B3GLCT: variants seen among roughly 807,000 people sequenced by gnomAD.
The protein encoded by B3GLCT is beta 3-glucosyltransferase.
Under a neutral mutation model 63.4 loss-of-function variants are expected in B3GLCT, and 65 were observed. The observed-to-expected ratio is 1.03, with a 90% CI of 0.84 to 1.26. The LOEUF (loss-of-function observed/expected upper bound fraction) is 1.26. Among genes scored for constraint, B3GLCT ranks in the 50% most tolerant of loss-of-function variants. B3GLCT has a pLI of 0.00. For missense variants in B3GLCT, 577 were observed against 604.8 expected, an observed-to-expected ratio of 0.95 and a Z score of 0.48; for synonymous variants, 233 against 219.2, an observed-to-expected ratio of 1.06 and a Z score of -0.55.
rs776480424 is a variant in B3GLCT at position 31,329,716 on chromosome 13, C to T, written c.*48C>T. The T allele has an allele frequency of 6.3e-7, 1 of 1,599,244 alleles. No individual in the cohort carries two copies. Among genetic ancestry groups the T allele is most frequent in the Non-Finnish European group, 8.6e-7 (1 of 1,168,196 alleles). ...GCCTGCGCAGGGAATGAACTGGAGA[C>T]TGTGGCCTCATCCCACTGTGCTGTG... On this transcript the variant is annotated 3_prime_UTR_variant, in exon 15 of 15. Transcript: ENST00000343307.
intron 10 of B3GLCT, among the ~76,000 whole-genome samples, chr13:31,284,209 T>C (rs950585977): frequency 7.2e-5 from 11 of 152,218 alleles, no homozygotes; most frequent in African/African-American, 2.4e-4. Context: ...GGCAAGGTCA[T>C]GCCCTTTGTA....
At chr13:31,243,247 A>G (rs1402693434) in intron 4 of B3GLCT, among the ~76,000 whole-genome samples, 2 of 152,198 alleles carry the variant, frequency 1.3e-5, no homozygotes, top group Non-Finnish European at 2.9e-5. Context: ...CTGAATAATA[A>G]AACTGAATGA....
intron 12 of B3GLCT, among the ~76,000 whole-genome samples, chr13:31,316,800 A>G (rs1875058555): frequency 6.6e-6 from 1 of 152,126 alleles, no homozygotes; most frequent in African/African-American, 2.4e-5. Flanking sequence ...CTATAAATTC[A>G]TTGTTTTCAT....
At chr13:31,255,084 A>G (rs1269568128) in intron 6 of B3GLCT, among the ~76,000 whole-genome samples, 1 of 152,054 alleles carries the variant, frequency 6.6e-6, no homozygotes, top group African/African-American at 2.4e-5. Context: ...AAGCTCCTTA[A>G]GCTGATAAGC....
chr13:31,216,532 AG>A (rs1391464141), intron 2 of B3GLCT, among the ~76,000 whole-genome samples: 1 of 152,122 alleles, frequency 6.6e-6, no homozygotes, highest in African/African-American at 2.4e-5. Context: ...TTTGATGGAT[AG>A]ATTATTTTGT....
rs924095063 is a variant in B3GLCT at position 31,250,780 on chromosome 13, C to T, written c.459+2814C>T. 3.3e-5 allele frequency among the ~76,000 whole-genome samples: 5 copies of T among 152,196 alleles called. No homozygotes were observed. The East Asian group carries it at 9.6e-4, about 29-fold the overall frequency. On this transcript the variant is annotated intron_variant, in intron 6 of 14. Transcript: ENST00000343307. ...ACCTGGGGGAAGGGGCAGTTGTGGG[C>T]GCCACTTCAGCAGACTTAAATGTCC...
chr13:31,309,264 T>G (rs142311696), intron 12 of B3GLCT, among the ~76,000 whole-genome samples: 2 of 152,226 alleles, frequency 1.3e-5, no homozygotes, highest in Non-Finnish European at 1.5e-5. Context: ...TCAGAACATT[T>G]TTTTCTGTGT....
At chr13:31,280,510 C>T (rs762873061) in intron 10 of B3GLCT, among the ~76,000 whole-genome samples, 2 of 152,164 alleles carry the variant, frequency 1.3e-5, no homozygotes, top group Non-Finnish European at 2.9e-5. Context: ...ACAGTGTCCC[C>T]TGGCACTGGG....
intron 8 of B3GLCT, among the ~76,000 whole-genome samples, chr13:31,272,311 G>A (rs1420786550): frequency 1.3e-5 from 2 of 151,638 alleles, no homozygotes; most frequent in Non-Finnish European, 2.9e-5. Flanking sequence ...CACATCCTGG[G>A]TTCAAGCAGT....
intron 11 of B3GLCT, among the ~76,000 whole-genome samples, chr13:31,286,229 G>A (rs1873324541): frequency 6.6e-6 from 1 of 152,116 alleles, no homozygotes; most frequent in African/African-American, 2.4e-5. Flanking sequence ...ACAGTATCTG[G>A]CATGTTAGAA....
At chr13:31,225,350 A>G (rs568109135) in intron 3 of B3GLCT, among the ~76,000 whole-genome samples, 2 of 152,332 alleles carry the variant, frequency 1.3e-5, no homozygotes, top group East Asian at 3.9e-4. Flanking sequence ...GTTGGATGGC[A>G]TACACAGAGA....
chr13:31,224,071 A>G (rs143859790), intron 3 of B3GLCT, among the ~76,000 whole-genome samples: 128 of 152,266 alleles, frequency 8.4e-4, no homozygotes, highest in Middle Eastern at 6.8e-3. Flanking sequence ...GCAGAAGTTC[A>G]GGAGAGACCC....
intron 6 of B3GLCT, among the ~76,000 whole-genome samples, chr13:31,254,527 T>C (rs976319853): frequency 6.6e-6 from 1 of 152,152 alleles, no homozygotes; most frequent in Non-Finnish European, 1.5e-5. Context: ...TAATAAGAAC[T>C]ATTTATGACA....
At chr13:31,272,812 GC>G (rs1167339359) in intron 8 of B3GLCT, among the ~76,000 whole-genome samples, 2 of 151,848 alleles carry the variant, frequency 1.3e-5, no homozygotes, top group Admixed American at 6.6e-5. Context: ...ATTATTTTAT[GC>G]AGTTAACATT....
intron 6 of B3GLCT, among the ~76,000 whole-genome samples, chr13:31,251,900 CA>C (rs1320719425): frequency 6.6e-6 from 1 of 152,058 alleles, no homozygotes; most frequent in African/African-American, 2.4e-5. Context: ...AGAGCAACCC[CA>C]AGACACATAG....
intron 12 of B3GLCT, among the ~76,000 whole-genome samples, chr13:31,293,394 A>T (rs990627427): frequency 6.6e-6 from 1 of 152,188 alleles, no homozygotes; most frequent in Non-Finnish European, 1.5e-5. Flanking sequence ...TAATATTGAC[A>T]GTGGGGTGTT....
intron 6 of B3GLCT, among the ~76,000 whole-genome samples, chr13:31,254,266 A>G (rs1871602252): frequency 1.3e-5 from 2 of 152,246 alleles, no homozygotes; most frequent in African/African-American, 4.8e-5. Flanking sequence ...ATGAACATCA[A>G]TGCGAAGATC....
At chr13:31,324,523 G>A (rs1292034440) in intron 14 of B3GLCT, among the ~76,000 whole-genome samples, 1 of 152,118 alleles carries the variant, frequency 6.6e-6, no homozygotes, top group African/African-American at 2.4e-5. Flanking sequence ...ATTATGTTTA[G>A]TATCTTTTAA....
At chr13:31,246,951 C>CTTTTTTTTTTTTTTTCTTTTTT in intron 4 of B3GLCT, 72 bp from the exon 5 acceptor site, 1 of 778,770 alleles carries the variant, frequency 1.3e-6, no homozygotes, top group Non-Finnish European at 2.0e-6. Context: ...CTTTTCTTTT[C>CTTTTTTTTTTTTTTTCTTTTTT]TTTTTTTTTT....
Sources: gnomAD v4.1 joint callset for allele counts (sites outside exome capture counted in the v4.1 genomes callset) on GRCh38, gnomAD v4.1.1 for gene constraint, MANE v1.5 for transcripts, NCBI Gene and HGNC (gene_info 2026-07-23, HGNC 2026-07-21) for gene names.